The following PMP22 variants were observed in gnomAD, a reference collection of about 807,000 sequenced individuals.
The protein encoded by PMP22 is peripheral myelin protein 22.
A neutral mutation model predicts 18.9 loss-of-function variants in PMP22; 2 were observed. The observed-to-expected ratio is 0.11, with a 90% CI of 0.04 to 0.33. The LOEUF (loss-of-function observed/expected upper bound fraction) is 0.33, where lower values mean the gene tolerates loss of function less well. Among genes scored for constraint, PMP22 ranks in the 10% least tolerant of loss-of-function variants. PMP22 has a pLI of 1.00. For synonymous variants in PMP22, 95 were observed against 89.2 expected, an observed-to-expected ratio of 1.07 and a Z score of -0.37; for missense variants, 169 against 202.2, an observed-to-expected ratio of 0.84 and a Z score of 1.00.
At chr17:15,248,962 G>A (rs866093815) in intron 3 of PMP22, among the ~76,000 whole-genome samples, 22 of 152,296 alleles carry the variant, frequency 1.4e-4, no homozygotes, top group Middle Eastern at 3.4e-3. Flanking sequence ...AATGAACAGG[G>A]AATAATTCGC....
chr17:15,233,676 C>G (rs1205556525), intron 4 of PMP22, among the ~76,000 whole-genome samples: 1 of 152,200 alleles, frequency 6.6e-6, no homozygotes, highest in Non-Finnish European at 1.5e-5. Flanking sequence ...AGCTGCTGCT[C>G]TAGATGTACC....
intron 2 of PMP22, 117 bp from the exon 3 acceptor site, chr17:15,259,310 C>G: frequency 1.3e-6 from 1 of 792,804 alleles, no homozygotes; most frequent in Non-Finnish European, 2.2e-6. Flanking sequence ...GCCACACCGC[C>G]CACCCCTGCA....
chr17:15,260,883 C>A (rs538697581), intron 1 of PMP22, 122 bp from the exon 2 acceptor site: 8 of 677,902 alleles, frequency 1.2e-5, no homozygotes, highest in Non-Finnish European at 2.0e-5. Flanking sequence ...GCAGCCCGAC[C>A]GCCCGCGCGG....
In PMP22 at chr17:15,230,695, A is replaced by G; in HGVS notation, c.*222T>C. 1.7e-6 allele frequency: 1 copy of G among 576,492 alleles called. No individual in the cohort carries two copies. The highest frequency in any genetic ancestry group is 2.0e-5 in the South Asian group (1 of 49,534). The allele number at this position is 576,492 out of a possible 1,614,324, so 35.7% of individuals were successfully genotyped here. On this transcript the variant is annotated 3_prime_UTR_variant, in exon 5 of 5. Coordinates refer to ENST00000312280, the MANE Select transcript of PMP22 (RefSeq NM_000304.4). Reference sequence around the variant, plus strand: ...TGATGGTCAACATAAAAAGCAAACAATACTATGTACATATATGTAAAAAGT... The same window carrying G: ...TGATGGTCAACATAAAAAGCAAACAGTACTATGTACATATATGTAAAAAGT...
chr17:15,252,817 T>C (rs1469566616), intron 3 of PMP22, among the ~76,000 whole-genome samples: 1 of 152,226 alleles, frequency 6.6e-6, no homozygotes, highest in Non-Finnish European at 1.5e-5. Flanking sequence ...GCCTGGGTCC[T>C]GCCTCATCAC....
chr17:15,239,499 G>A lies in PMP22; in HGVS notation c.291C>T (p.Tyr97=), dbSNP rs1416612651. ...LFTLTKGGRF[Y]ITGIFQILAG... Reference sequence around the variant, plus strand: ...CAAGAATTTGGAAGATTCCAGTGATGTAAAACCTGCCCCCCTTGGTGAGGG... The same window carrying A: ...CAAGAATTTGGAAGATTCCAGTGATATAAAACCTGCCCCCCTTGGTGAGGG... Residue 97 remains tyrosine (Y), a synonymous_variant, in exon 4 of 5, where the codon TAC becomes TAT. Transcript: ENST00000312280. The A allele has an allele frequency of 6.2e-6, 10 of 1,614,094 alleles. No homozygotes were observed. The East Asian group carries it at 2.0e-4, about 32-fold the overall frequency.
intron 4 of PMP22, among the ~76,000 whole-genome samples, chr17:15,232,795 G>T (rs1441312061): frequency 2.0e-5 from 3 of 152,182 alleles, no homozygotes; most frequent in Non-Finnish European, 4.4e-5. Flanking sequence ...TGACTAAGAG[G>T]AGATACCAGA....
intron 2 of PMP22, 138 bp from the exon 3 acceptor site, chr17:15,259,331 C>G: frequency 2.8e-6 from 2 of 722,242 alleles, no homozygotes. Context: ...TGGTAAGAGC[C>G]AACGTTTTAT....
Position 15,233,878 on chromosome 17 carries a change from C to T in PMP22, c.320-2798G>A, listed in dbSNP as rs185155114. On this transcript the variant is annotated intron_variant, in intron 4 of 4. Transcript: ENST00000312280. ...GCCACACGGACTCTCATATAATAGG[C>T]TGATTAGCTCACTAAGGGTCAGGAA... Among the ~76,000 whole-genome samples, 284 of 152,262 alleles carry T rather than the reference C, an allele frequency of 1.9e-3. 1 individual carries two copies. Among genetic ancestry groups the T allele is most frequent in the African/African-American group, 6.5e-3 (271 of 41,540 alleles).
At position 15,263,583 on chromosome 17, in the gene PMP22, G is replaced by GCGCACACACACACA. The variant is rs71353722; in HGVS notation, c.-35+1570_-35+1571insTGTGTGTGTGTGCG. ...AATGCAGCAGTTCACGCACGCGCGC[G>GCGCACACACACACA]CACACACACACACACACACACTTCC... is the stretch of plus-strand genomic sequence containing the variant. On this transcript the variant is annotated intron_variant, in intron 1 of 4. Transcript: ENST00000312280. Among the ~76,000 whole-genome samples the GCGCACACACACACA allele has an allele frequency of 6.5e-3, 978 of 150,030 alleles. 9 individuals carry two copies. Among genetic ancestry groups the GCGCACACACACACA allele is most frequent in the African/African-American group, 0.023 (922 of 40,828 alleles).
intron 2 of PMP22, 130 bp from the exon 3 acceptor site, chr17:15,259,323 G>T: frequency 6.8e-6 from 5 of 736,150 alleles, no homozygotes; most frequent in South Asian, 5.9e-5. Context: ...CCCCTGCATG[G>T]TAAGAGCCAA....
In PMP22 at chr17:15,263,583, G is replaced by GCACACACACACA. The variant is rs3028206; in HGVS notation, c.-35+1559_-35+1570dup. On this transcript the variant is annotated intron_variant, in intron 1 of 4. Coordinates refer to ENST00000312280, the MANE Select transcript of PMP22 (RefSeq NM_000304.4). ...AATGCAGCAGTTCACGCACGCGCGC[G>GCACACACACACA]CACACACACACACACACACACTTCC... 9.4e-3 allele frequency among the ~76,000 whole-genome samples: 1,417 copies of GCACACACACACA among 150,028 alleles called. 26 individuals carry two copies. Among genetic ancestry groups the GCACACACACACA allele is most frequent in the African/African-American group, 0.033 (1,348 of 40,822 alleles).
In PMP22 at chr17:15,260,737, A is replaced by C. The variant is rs773046723; in HGVS notation, c.-10T>G. On this transcript the variant is annotated 5_prime_UTR_variant, in exon 2 of 5. Transcript: ENST00000312280. ...GCAACAGGAGGAGCATTCTGGCGGC[A>C]AGTTCTGCTCAGCGGAGTTTCTGCC... is the stretch of plus-strand genomic sequence containing the variant. 3.9e-6 allele frequency: 6 copies of C among 1,551,482 alleles called. No homozygotes were observed. Among genetic ancestry groups the C allele is most frequent in the African/African-American group, 2.7e-5 (2 of 73,076 alleles).
intron 2 of PMP22, chr17:15,260,186 C>T: frequency 4.1e-6 from 1 of 244,422 alleles, no homozygotes; most frequent in South Asian, 5.5e-5. Flanking sequence ...GCCATAAAGC[C>T]GACATGGGAC....
chr17:15,242,153 T>C (rs577574850), intron 3 of PMP22, among the ~76,000 whole-genome samples: 6 of 138,280 alleles, frequency 4.3e-5, no homozygotes, highest in Non-Finnish European at 6.2e-5. Context: ...ACTTGGGAGG[T>C]TGAGGCAGAG....
rs112749350 is a variant in PMP22, at chr17:15,263,180, A to C, written c.-35+1974T>G. 8.6e-3 allele frequency among the ~76,000 whole-genome samples: 1,314 copies of C among 152,278 alleles called. 20 individuals carry two copies. Among genetic ancestry groups the C allele is most frequent in the African/African-American group, 0.03 (1,232 of 41,552 alleles). On this transcript the variant is annotated intron_variant, in intron 1 of 4. Coordinates refer to ENST00000312280, the MANE Select transcript of PMP22 (RefSeq NM_000304.4). ...CTTGGGTGCGAATTAGGGGAAGAAA[A>C]GTCCGGCCGACTACTGGATAGCATG...
intron 3 of PMP22, among the ~76,000 whole-genome samples, chr17:15,255,232 G>A (rs1022608599): frequency 6.6e-5 from 10 of 152,210 alleles, no homozygotes; most frequent in African/African-American, 2.2e-4. Context: ...TCCACACCAG[G>A]CTTACAGAGA....
chr17:15,232,195 T>C (rs1242333484), intron 4 of PMP22, among the ~76,000 whole-genome samples: 2 of 152,112 alleles, frequency 1.3e-5, no homozygotes, highest in African/African-American at 2.4e-5. Context: ...TACTGGACAC[T>C]GCAACTTTGT....
chr17:15,230,864 C>G lies in PMP22; in HGVS notation c.*53G>C. Reference sequence around the variant, plus strand: ...TTTCTTTGTCTGCTTTCTGTTTTCCCTTCCTCCCTTCCCTATGTACGCTCA... The same window carrying G: ...TTTCTTTGTCTGCTTTCTGTTTTCCGTTCCTCCCTTCCCTATGTACGCTCA... On this transcript the variant is annotated 3_prime_UTR_variant, in exon 5 of 5. Coordinates refer to ENST00000312280, the MANE Select transcript of PMP22 (RefSeq NM_000304.4). The G allele has an allele frequency of 3.8e-6, 6 of 1,596,548 alleles. No homozygotes were observed. The highest frequency in any genetic ancestry group is 5.1e-6 in the Non-Finnish European group (6 of 1,165,590).
Sources: allele counts gnomAD v4.1 joint callset (sites outside exome capture counted in the v4.1 genomes callset), GRCh38; gene constraint gnomAD v4.1.1; transcripts MANE v1.5; gene names NCBI Gene and HGNC (gene_info 2026-07-23, HGNC 2026-07-21).